Variants in AHRR observed in about 807,000 individuals in gnomAD.
The protein encoded by AHRR is aryl hydrocarbon receptor repressor.
A neutral mutation model predicts 44.0 loss-of-function variants in AHRR; 28 were observed. That is an observed-to-expected ratio of 0.64 (90% CI 0.47 to 0.87). The LOEUF (loss-of-function observed/expected upper bound fraction) is 0.87, where lower values mean the gene tolerates loss of function less well. Among genes scored for constraint, AHRR ranks in the 40% least tolerant of loss-of-function variants. AHRR has a pLI of 0.00. For synonymous variants in AHRR, 434 were observed against 407.0 expected (o/e 1.07, Z -0.80); for missense variants, 990 against 953.9 (o/e 1.04, Z -0.50).
At position 348,887 on chromosome 5, in the gene AHRR, C is replaced by T. The variant is rs558748576; in HGVS notation, c.63-4843C>T. ...GTTGCTGGGTGACACAGCAGGTGCA[C>T]GTTTAACTGTTTCCAAAGCAGTGGT... On this transcript the variant is annotated intron_variant, in intron 2 of 10. Transcript: ENST00000684583. 6.0e-4 allele frequency among the ~76,000 whole-genome samples: 92 copies of T among 152,316 alleles called. 1 individual carries two copies. The highest frequency in any genetic ancestry group is 8.4e-4 in the African/African-American group (35 of 41,566).
chr5:385,701 G>T (rs1410473129), intron 4 of AHRR, among the ~76,000 whole-genome samples: 1 of 152,120 alleles, frequency 6.6e-6, no homozygotes, highest in Non-Finnish European at 1.5e-5. Context: ...GCTTAATTAT[G>T]ATGTATCTGA....
intron 2 of AHRR, among the ~76,000 whole-genome samples, chr5:345,563 G>A (rs1040161041): frequency 7.3e-6 from 1 of 137,460 alleles, no homozygotes; most frequent in African/African-American, 2.7e-5. Context: ...TGTGTGTGGG[G>A]ATGTGTGGGT....
rs996534895 is a variant in AHRR, at chr5:406,481, CAAAAT to C, written c.352-6859_352-6855del. Among the ~76,000 whole-genome samples, 3 of 152,138 alleles carry C rather than the reference CAAAAT, an allele frequency of 2.0e-5. No individual in the cohort carries two copies. Among genetic ancestry groups the C allele is most frequent in the African/African-American group, 7.2e-5 (3 of 41,396 alleles). ...GGTAAGGAAGAACAGGAAGTTGTCT[CAAAAT>C]AAAGGGGGATCAGGTGGCTGGTCCA... On this transcript the variant is annotated intron_variant, in intron 4 of 10. Coordinates refer to ENST00000684583, the MANE Select transcript of AHRR (RefSeq NM_001377236.1). This position sits in a 1 kb window ranked among gnomAD's most constrained non-coding sequence, Gnocchi z 4.7.
intron 3 of AHRR, among the ~76,000 whole-genome samples, chr5:376,043 GGGCCT>G (rs1321402072): frequency 2.0e-5 from 3 of 152,042 alleles, no homozygotes; most frequent in Admixed American, 6.6e-5. Flanking sequence ...TGGGGGCGTG[GGGCCT>G]GGCCTGCTTC....
intron 4 of AHRR, among the ~76,000 whole-genome samples, chr5:393,471 G>T (rs151164878): frequency 6.6e-6 from 1 of 152,208 alleles, no homozygotes; most frequent in South Asian, 2.1e-4. Flanking sequence ...CTGTGTCTTC[G>T]TGCGTGGACG....
chr5:376,562 C>CGCGGGGA, intron 3 of AHRR, 48 bp from the exon 4 acceptor site: 8 of 195,688 alleles, frequency 4.1e-5, no homozygotes, highest in Non-Finnish European at 5.5e-5. Flanking sequence ...AGAAGAGTGG[C>CGCGGGGA]CAGGCCAAGG....
chr5:428,037 G>T, intron 8 of AHRR, 31 bp downstream of exon 8: 1 of 1,593,116 alleles, frequency 6.3e-7, no homozygotes, highest in Non-Finnish European at 8.6e-7. Flanking sequence ...ACAGCCACAT[G>T]GTGCCTGCTG....
chr5:432,575 T>G (rs781571299), intron 9 of AHRR, 51 bp downstream of exon 9: 23 of 1,595,122 alleles, frequency 1.4e-5, no homozygotes, highest in Non-Finnish European at 2.0e-5. Context: ...AAAATGTGTT[T>G]CTGCCCTTGG....
rs1560884140 is a variant in AHRR, at chr5:344,409, G to GTGTGT, written c.62+445_62+446insTGTGT. On this transcript the variant is annotated intron_variant, in intron 2 of 10. Transcript: ENST00000684583. ...GTGTCTGCGGGTGGGGAGGGCTGCGGGGGTGTGTGCGGTATGTGTGAGGCT... is the reference window on the plus strand; with the variant it reads ...GTGTCTGCGGGTGGGGAGGGCTGCGGTGTGTGGGTGTGTGCGGTATGTGTGAGGCT... Among the ~76,000 whole-genome samples, 23 of 18,396 alleles carry GTGTGT rather than the reference G, an allele frequency of 1.3e-3. 4 individuals carry two copies. The highest frequency in any genetic ancestry group is 2.0e-3 in the African/African-American group (8 of 3,974). 12.1% of individuals were successfully genotyped at this position (18,396 alleles called of 152,430 possible).
rs1560884091 is a variant in AHRR at position 344,402 on chromosome 5, GGCTGCGGGGGTGTGTGCGGT to G, written c.62+439_62+458del. ...AGGCTGTGTGTCTGCGGGTGGGGAG[GGCTGCGGGGGTGTGTGCGGT>G]ATGTGTGAGGCTGTGGGGGGCTGTG... On this transcript the variant is annotated intron_variant, in intron 2 of 10. Coordinates refer to ENST00000684583, the MANE Select transcript of AHRR (RefSeq NM_001377236.1). Among the ~76,000 whole-genome samples, 29 of 23,284 alleles carry G rather than the reference GGCTGCGGGGGTGTGTGCGGT, an allele frequency of 1.2e-3. 1 individual carries two copies. Among genetic ancestry groups the G allele is most frequent in the Non-Finnish European group, 2.3e-3 (21 of 9,134 alleles). The allele number at this position is 23,284 out of a possible 152,430, so 15.3% of individuals were successfully genotyped here. A position where few individuals can be genotyped will look rare whatever the true frequency, so the allele number is the denominator to read the frequency against.
At chr5:364,773 A>G (rs1305298570) in intron 3 of AHRR, among the ~76,000 whole-genome samples, 2 of 152,140 alleles carry the variant, frequency 1.3e-5, no homozygotes, top group Non-Finnish European at 2.9e-5. Flanking sequence ...CTCTAAGGGT[A>G]CAGAAAGGAT....
rs1560921369 is a variant in AHRR at position 423,918 on chromosome 5, C to G, written c.649C>G (p.Leu217Val). The part of the protein sequence containing the change: ...TGTPTEYSAF[L>V]TRCFICRVRC... ...CACGCCCACCGAGTACTCGGCCTTC[C>G]TGACCCGCTGCTTCATCTGCCGTGT... The change falls in exon 7 of 11, where the codon CTG becomes GTG. Residue 217 changes from leucine to valine, a missense_variant. Coordinates refer to ENST00000684583, the MANE Select transcript of AHRR (RefSeq NM_001377236.1). The G allele has an allele frequency of 6.2e-7, 1 of 1,603,476 alleles. No individual in the cohort carries two copies. Among genetic ancestry groups the G allele is most frequent in the East Asian group, 2.2e-5 (1 of 44,882 alleles).
At chr5:352,874 G>A (rs912884748) in intron 2 of AHRR, among the ~76,000 whole-genome samples, 13 of 151,410 alleles carry the variant, frequency 8.6e-5, no homozygotes, top group African/African-American at 2.9e-4. Context: ...AGCTGTAGGG[G>A]ATGGTCACTG....
intron 5 of AHRR, among the ~76,000 whole-genome samples, chr5:416,697 TG>T (rs1735828875): frequency 1.3e-5 from 2 of 151,986 alleles, no homozygotes; most frequent in South Asian, 4.1e-4. Context: ...AGTAGTGGAG[TG>T]GGTCCGTTGG....
intron 3 of AHRR, 59 bp from the exon 4 acceptor site, chr5:376,551 A>ATG (rs1733684393): frequency 5.7e-6 from 8 of 1,403,468 alleles, no homozygotes; most frequent in African/African-American, 4.3e-5. Flanking sequence ...GATGTGAATG[A>ATG]AGAAGAGTGG....
At chr5:343,117 G>T (rs1033949598) in intron 1 of AHRR, among the ~76,000 whole-genome samples, 1 of 152,156 alleles carries the variant, frequency 6.6e-6, no homozygotes, top group Non-Finnish European at 1.5e-5. Context: ...AGGAGATTAT[G>T]CTGTTGCCCT....
intron 3 of AHRR, among the ~76,000 whole-genome samples, chr5:362,567 A>T (rs954664729): frequency 6.6e-6 from 1 of 152,200 alleles, no homozygotes; most frequent in Non-Finnish European, 1.5e-5. Context: ...CAAGTTTAAA[A>T]TAATTTAGGA....
intron 4 of AHRR, chr5:403,656 T>C (rs1410832733): frequency 2.0e-6 from 1 of 508,658 alleles, no homozygotes; most frequent in East Asian, 3.6e-5. Context: ...AAAAAAAAAG[T>C]AACCACTTTA....
chr5:344,113 G>C, intron 2 of AHRR, 149 bp downstream of exon 2: 2 of 766,142 alleles, frequency 2.6e-6, no homozygotes, highest in African/African-American at 1.9e-5. Flanking sequence ...CGGCGCGGGC[G>C]GCGCAGGAGT....
Sources: gnomAD v4.1 joint callset for allele counts (sites outside exome capture counted in the v4.1 genomes callset) on GRCh38, gnomAD v4.1.1 for gene constraint, Gnocchi (gnomAD v3.1) non-coding constraint, MANE v1.5 for transcripts, NCBI Gene and HGNC (gene_info 2026-07-23, HGNC 2026-07-21) for gene names.